LTBP1: variants seen among roughly 807,000 people sequenced by gnomAD.
LTBP1 encodes the protein latent-transforming growth factor beta-binding protein 1.
Under a neutral mutation model 207.6 loss-of-function variants are expected in LTBP1, and 129 were observed. The ratio of observed to expected loss-of-function variants is 0.62; its 90% CI spans 0.54 to 0.72. The LOEUF (loss-of-function observed/expected upper bound fraction) is 0.72, where lower values mean the gene tolerates loss of function less well. Among genes scored for constraint, LTBP1 ranks in the 30% least tolerant of loss-of-function variants. LTBP1 has a pLI of 0.00. For synonymous variants in LTBP1, 963 were observed against 833.7 expected (o/e 1.16, Z -2.67); for missense variants, 2,281 against 2,217.2 (o/e 1.03, Z -0.58).
chr2:33,389,230 GC>G lies in LTBP1; in HGVS notation c.4760del (p.Pro1587HisfsTer28). ...ACATCCCCGTGACGGGACGCCGGCA[GC>G]CATATGGACGGGACGCCTTGGTTGA... ...CNIPVTGRRQ[P>X]YGRDALVDFS... On this transcript the variant is annotated frameshift_variant, in exon 32 of 34. Transcript: ENST00000404816. LOFTEE classifies it high-confidence loss of function. The G allele has an allele frequency of 3.1e-6, 5 of 1,614,114 alleles. No individual in the cohort carries two copies. Among genetic ancestry groups the G allele is most frequent in the Non-Finnish European group, 4.2e-6 (5 of 1,180,012 alleles).
At chr2:33,386,826 CTTTTTTTTT>C (rs1009498572) in intron 31 of LTBP1, among the ~76,000 whole-genome samples, 1 of 119,344 alleles carries the variant, frequency 8.4e-6, no homozygotes, top group Admixed American at 8.6e-5. Context: ...GAGCAAGACC[CTTTTTTTTT>C]TTTTTTTTTT....
chr2:33,368,989 A>G (rs910133849), intron 31 of LTBP1, among the ~76,000 whole-genome samples: 1 of 152,238 alleles, frequency 6.6e-6, no homozygotes, highest in Non-Finnish European at 1.5e-5. Flanking sequence ...ATTTTTGAAT[A>G]ATGTAGCAAT....
intron 24 of LTBP1, among the ~76,000 whole-genome samples, chr2:33,335,095 G>A (rs768973136): frequency 9.9e-5 from 15 of 151,154 alleles, no homozygotes; most frequent in Non-Finnish European, 1.9e-4. Flanking sequence ...TCTAGTGTGG[G>A]CAACAGAGTG....
At chr2:32,999,397 A>AAGTACACCTGAGTGACTTTATTAACTACC (rs1484181187) in intron 2 of LTBP1, among the ~76,000 whole-genome samples, 12 of 137,562 alleles carry the variant, frequency 8.7e-5, no homozygotes, top group South Asian at 4.9e-4. Flanking sequence ...CGAGGCCTAG[A>AAGTACACCTGAGTGACTTTATTAACTACC]CATGGTGTGT....
At chr2:33,201,771 A>T (rs1235489041) in intron 7 of LTBP1, among the ~76,000 whole-genome samples, 1 of 152,202 alleles carries the variant, frequency 6.6e-6, no homozygotes, top group Non-Finnish European at 1.5e-5. Flanking sequence ...TCCTGAAATC[A>T]TTGTGAAAAC....
intron 2 of LTBP1, among the ~76,000 whole-genome samples, chr2:32,985,791 C>T (rs1683467488): frequency 6.6e-6 from 1 of 152,078 alleles, no homozygotes; most frequent in African/African-American, 2.4e-5. Context: ...CCTGTGTAAC[C>T]CTCCAGGAAG....
At chr2:32,969,228 T>TG (rs377701241) in intron 2 of LTBP1, among the ~76,000 whole-genome samples, 27,199 of 93,968 alleles carry the variant, frequency 0.29, 2,869 homozygotes, top group African/African-American at 0.35. Flanking sequence ...ACCTGGCCAA[T>TG]TTGTGTGTGT....
At chr2:33,044,120 A>G (rs527963733) in intron 3 of LTBP1, among the ~76,000 whole-genome samples, 6 of 141,872 alleles carry the variant, frequency 4.2e-5, no homozygotes, top group African/African-American at 1.5e-4. Context: ...TTGTTAAAGG[A>G]AAAAGTATTT....
At chr2:33,199,443 C>G (rs191735377) in intron 7 of LTBP1, among the ~76,000 whole-genome samples, 4 of 152,276 alleles carry the variant, frequency 2.6e-5, no homozygotes, top group Non-Finnish European at 5.9e-5. Context: ...GCTAAAAACT[C>G]TCAATAAATT....
chr2:32,953,248 T>C (rs1056515263), intron 2 of LTBP1, among the ~76,000 whole-genome samples: 1 of 152,228 alleles, frequency 6.6e-6, no homozygotes, highest in Non-Finnish European at 1.5e-5. Flanking sequence ...GGGTGTGATG[T>C]GGCTGGAGTT....
intron 4 of LTBP1, among the ~76,000 whole-genome samples, chr2:33,129,058 G>T (rs1462746246): frequency 6.6e-6 from 1 of 152,148 alleles, no homozygotes; most frequent in East Asian, 1.9e-4. Context: ...GAACAGCCTG[G>T]AACAGAGACA....
chr2:33,227,799 CTTTTTTTTTTT>C (rs10548945), intron 9 of LTBP1, among the ~76,000 whole-genome samples: 3 of 53,346 alleles, frequency 5.6e-5, no homozygotes, highest in East Asian at 6.8e-4. Flanking sequence ...ATAAGAAGCT[CTTTTTTTTTTT>C]TTTTTTTTTT....
At chr2:33,393,465 T>C (rs1363756645) in intron 32 of LTBP1, among the ~76,000 whole-genome samples, 3 of 94,596 alleles carry the variant, frequency 3.2e-5, no homozygotes, top group Admixed American at 1.6e-4. Flanking sequence ...CGAAAGGCCC[T>C]GGTGTGTGAT....
At chr2:33,146,589 T>C (rs1185979282) in intron 5 of LTBP1, among the ~76,000 whole-genome samples, 3 of 152,128 alleles carry the variant, frequency 2.0e-5, no homozygotes, top group African/African-American at 7.2e-5. Context: ...TACCTGAGAC[T>C]GGGTAGGTTT....
intron 2 of LTBP1, among the ~76,000 whole-genome samples, chr2:32,978,769 T>G (rs1682258952): frequency 6.6e-6 from 1 of 151,794 alleles, no homozygotes; most frequent in South Asian, 2.1e-4. Flanking sequence ...TTTGGAATAG[T>G]TTGAGTAGGA....
chr2:33,218,446 G>C (rs1296065648), intron 8 of LTBP1, among the ~76,000 whole-genome samples: 1 of 152,102 alleles, frequency 6.6e-6, no homozygotes. Flanking sequence ...GCCCAGGCTG[G>C]AGCACAGTGG....
At chr2:33,244,888 T>C (rs78097818) in intron 10 of LTBP1, among the ~76,000 whole-genome samples, 35 of 120,712 alleles carry the variant, frequency 2.9e-4, no homozygotes, top group African/African-American at 9.4e-4. Context: ...ATCTATCTAT[T>C]TATTTTTGAG....
rs554759835 is a variant in LTBP1, at chr2:33,261,929, G to A, written c.2419-793G>A. Among the ~76,000 whole-genome samples, 127 of 152,364 alleles carry A rather than the reference G, an allele frequency of 8.3e-4. 2 individuals are homozygous for A. Among genetic ancestry groups the A allele is most frequent in the Middle Eastern group, 3.4e-3 (1 of 294 alleles). On this transcript the variant is annotated intron_variant, in intron 13 of 33. Coordinates refer to ENST00000404816, the MANE Select transcript of LTBP1 (RefSeq NM_206943.4). Reference sequence around the variant, plus strand: ...AGAGGACAGAACCAAGTAACTCGATGAGTACTTGAATGTAGTGATATGAGC... The same window carrying A: ...AGAGGACAGAACCAAGTAACTCGATAAGTACTTGAATGTAGTGATATGAGC...
chr2:33,390,550 A>G (rs1229993972), intron 32 of LTBP1, among the ~76,000 whole-genome samples: 2 of 151,382 alleles, frequency 1.3e-5, no homozygotes, highest in African/African-American at 2.4e-5. Flanking sequence ...GTGCAGTGCC[A>G]TGATCACAGC....
Sources: allele counts gnomAD v4.1 joint callset (sites outside exome capture counted in the v4.1 genomes callset), GRCh38; gene constraint gnomAD v4.1.1; transcripts MANE v1.5; gene names NCBI Gene and HGNC (gene_info 2026-07-23, HGNC 2026-07-21).